Variants in SIMC1 observed in about 807,000 individuals in gnomAD.
SIMC1 encodes the protein SUMO interacting motifs containing 1, also known as SUMO-interacting motif-containing protein 1.
SIMC1 carries 55 observed loss-of-function variants against 82.3 expected under a neutral mutation model. The observed-to-expected ratio is 0.67, with a 90% CI of 0.54 to 0.84. The LOEUF is 0.84. SIMC1 is among the 40% of genes least tolerant of loss of function. The pLI, the probability that SIMC1 is intolerant of heterozygous loss-of-function variation, is 0.00. For missense variants in SIMC1, 915 were observed against 1,107.2 expected (o/e 0.83, Z 2.46); for synonymous variants, 353 against 426.3 (o/e 0.83, Z 2.12).
chr5:176,328,495 T>A (rs190243981), intron 7 of SIMC1, among the ~76,000 whole-genome samples: 1 of 152,192 alleles, frequency 6.6e-6, no homozygotes, highest in Non-Finnish European at 1.5e-5. Context: ...CTGTAAACAC[T>A]TTTTAGAGTC....
intron 1 of SIMC1, among the ~76,000 whole-genome samples, chr5:176,282,812 T>C (rs891625088): frequency 6.6e-6 from 1 of 152,094 alleles, no homozygotes; most frequent in African/African-American, 2.4e-5. Context: ...CAATAACCAA[T>C]GAAGAGAAGT....
intron 8 of SIMC1, 45 bp from the exon 9 acceptor site, chr5:176,337,017 A>G: frequency 6.2e-7 from 1 of 1,606,066 alleles, no homozygotes; most frequent in South Asian, 1.1e-5. Context: ...AAAAATTTTA[A>G]CTGGGGAAGG....
chr5:176,276,355 T>C (rs1459698710), intron 1 of SIMC1, among the ~76,000 whole-genome samples: 1 of 151,710 alleles, frequency 6.6e-6, no homozygotes, highest in African/African-American at 2.4e-5. Flanking sequence ...TGTTTGATTC[T>C]TCTCTCTTTT....
rs148441465 is a variant in SIMC1 at position 176,327,778 on chromosome 5, A to C, written c.2171+3021A>C. Among the ~76,000 whole-genome samples the C allele has an allele frequency of 2.9e-3, 434 of 152,238 alleles. 2 individuals carry two copies. Among genetic ancestry groups the C allele is most frequent in the Middle Eastern group, 0.01 (3 of 294 alleles). ...GGGAGCTTCCTTCCATTTCTAGTGT[A>C]TTATTTTTACGAAGAATAAGTATTG... is the stretch of plus-strand genomic sequence containing the variant. On this transcript the variant is annotated intron_variant, in intron 7 of 9. Transcript: ENST00000429602.
At chr5:176,292,710 T>C (rs528546225) in intron 2 of SIMC1, among the ~76,000 whole-genome samples, 209 of 152,150 alleles carry the variant, frequency 1.4e-3, no homozygotes, top group African/African-American at 4.7e-3. Context: ...CTTCCGGCTT[T>C]TTGTACTTTT....
At chr5:176,302,136 A>G (rs1764067327) in intron 4 of SIMC1, among the ~76,000 whole-genome samples, 1 of 152,246 alleles carries the variant, frequency 6.6e-6, no homozygotes, top group Non-Finnish European at 1.5e-5. Context: ...GTACATATTC[A>G]GTGTAGATGT....
At chr5:176,306,053 C>T (rs1199552078) in intron 4 of SIMC1, among the ~76,000 whole-genome samples, 3 of 83,062 alleles carry the variant, frequency 3.6e-5, no homozygotes, top group African/African-American at 1.4e-4. Flanking sequence ...AGCCCCCCCG[C>T]CCGGCCAGCC....
Position 176,345,554 on chromosome 5 carries a change from C to T in SIMC1, c.*109C>T, listed in dbSNP as rs1766427394. On this transcript the variant is annotated 3_prime_UTR_variant, in exon 10 of 10. Coordinates refer to ENST00000429602, the MANE Select transcript of SIMC1 (RefSeq NM_001308195.2). The stretch of plus-strand genomic sequence containing the variant: ...TTAAAATCTTACAGGACCAAACCTG[C>T]ATTATTTAATCAGTAGGTTGTAATT... 2 of 1,237,986 alleles carry T rather than the reference C, an allele frequency of 1.6e-6. No homozygotes were observed. The highest frequency in any genetic ancestry group is 2.2e-6 in the Non-Finnish European group (2 of 913,628). The allele number at this position is 1,237,986 out of a possible 1,614,324, so 76.7% of individuals were successfully genotyped here. A position where few individuals can be genotyped will look rare whatever the true frequency, so the allele number is the denominator to read the frequency against.
chr5:176,282,416 C>CG (rs1444322257), intron 1 of SIMC1, among the ~76,000 whole-genome samples: 1 of 152,214 alleles, frequency 6.6e-6, no homozygotes, highest in Non-Finnish European at 1.5e-5. Context: ...TGCTTCGGCT[C>CG]GCGCATGGTG....
intron 6 of SIMC1, among the ~76,000 whole-genome samples, chr5:176,324,036 G>A (rs574072558): frequency 6.7e-6 from 1 of 150,334 alleles, no homozygotes; most frequent in African/African-American, 2.4e-5. Context: ...AAAGGCTGAT[G>A]TCAGGCCAGG....
chr5:176,299,707 A>G (rs764151626), intron 4 of SIMC1, among the ~76,000 whole-genome samples: 7 of 152,222 alleles, frequency 4.6e-5, no homozygotes, highest in Non-Finnish European at 1.0e-4. Flanking sequence ...CCCACTTTCA[A>G]TAATGGAGAA....
At chr5:176,300,359 C>T (rs1311835542) in intron 4 of SIMC1, among the ~76,000 whole-genome samples, 3 of 152,184 alleles carry the variant, frequency 2.0e-5, no homozygotes, top group Non-Finnish European at 4.4e-5. Context: ...CACTCTGTCA[C>T]CCAGGCTGGA....
At chr5:176,308,803 A>G (rs1222925909) in intron 4 of SIMC1, 1 of 1,246,878 alleles carries the variant, frequency 8.0e-7, no homozygotes, top group Non-Finnish European at 1.2e-6. Context: ...CAGGATGCAT[A>G]TTGGAGGATC....
At chr5:176,304,477 G>C (rs1021796269) in intron 4 of SIMC1, 10 of 171,734 alleles carry the variant, frequency 5.8e-5, no homozygotes, top group Non-Finnish European at 9.9e-5. Context: ...ATGGAGTCTC[G>C]TTCACTCAGT....
At chr5:176,261,968 G>C (rs571834248) in intron 1 of SIMC1, among the ~76,000 whole-genome samples, 2 of 151,996 alleles carry the variant, frequency 1.3e-5, no homozygotes, top group South Asian at 2.1e-4. Flanking sequence ...TTGCTAACTA[G>C]CTCTATGAGA....
intron 9 of SIMC1, among the ~76,000 whole-genome samples, chr5:176,338,947 A>C (rs1400196799): frequency 6.6e-6 from 1 of 152,154 alleles, no homozygotes; most frequent in Non-Finnish European, 1.5e-5. Context: ...ACTTGCAAGG[A>C]TTATTAATGA....
At position 176,295,263 on chromosome 5, in the gene SIMC1, G is replaced by A. The variant is rs1763764297; in HGVS notation, c.1664+1G>A. 3.7e-6 allele frequency: 6 copies of A among 1,610,332 alleles called. No individual in the cohort carries two copies. The highest frequency in any genetic ancestry group is 5.1e-6 in the Non-Finnish European group (6 of 1,178,166). On this transcript the variant is annotated splice_donor_variant, in intron 3 of 9. Coordinates refer to ENST00000429602, the MANE Select transcript of SIMC1 (RefSeq NM_001308195.2). LOFTEE classifies it high-confidence loss of function. ...ACATGCTTCTCATGAAAATTCAACA[G>A]TATGAACCGTAACCTCTGGCTGTTG...
chr5:176,314,109 A>G (rs1764796490), intron 5 of SIMC1, among the ~76,000 whole-genome samples: 1 of 152,166 alleles, frequency 6.6e-6, no homozygotes, highest in Non-Finnish European at 1.5e-5. Flanking sequence ...TCTACTAAAA[A>G]TATACAAATT....
At chr5:176,257,822 T>C (rs1285041747) in intron 1 of SIMC1, among the ~76,000 whole-genome samples, 2 of 152,194 alleles carry the variant, frequency 1.3e-5, no homozygotes, top group Non-Finnish European at 2.9e-5. Context: ...TAATTATTTG[T>C]TGCATGGGGT....
Sources: gnomAD v4.1 joint callset for allele counts (sites outside exome capture counted in the v4.1 genomes callset) on GRCh38, gnomAD v4.1.1 for gene constraint, MANE v1.5 for transcripts, NCBI Gene and HGNC (gene_info 2026-07-23, HGNC 2026-07-21) for gene names.